C20orf203: variants seen among roughly 807,000 people sequenced by gnomAD.
The protein encoded by C20orf203 is chromosome 20 open reading frame 203.
Under a neutral mutation model 15.9 loss-of-function variants are expected in C20orf203, and 16 were observed. The ratio of observed to expected loss-of-function variants is 1.01; its 90% CI spans 0.68 to 1.53. The LOEUF (loss-of-function observed/expected upper bound fraction) is 1.53. Ranked by LOEUF, C20orf203 falls within the 40% of genes most tolerant of loss-of-function variation. The pLI, the probability that C20orf203 is intolerant of heterozygous loss-of-function variation, is 0.00. For synonymous variants in C20orf203, 98 were observed against 97.2 expected, an observed-to-expected ratio of 1.01 and a Z score of -0.05; for missense variants, 263 against 247.5, an observed-to-expected ratio of 1.06 and a Z score of -0.42.
At chr20:32,654,170 C>T (rs1053778254) in intron 1 of C20orf203, among the ~76,000 whole-genome samples, 2 of 151,560 alleles carry the variant, frequency 1.3e-5, no homozygotes, top group African/African-American at 4.9e-5. Flanking sequence ...GATACAAGAT[C>T]AATATACAAA....
At chr20:32,634,670 G>T (rs531779485) in intron 5 of C20orf203, among the ~76,000 whole-genome samples, 1 of 152,134 alleles carries the variant, frequency 6.6e-6, no homozygotes, top group Admixed American at 6.6e-5. Context: ...GGCCACCACC[G>T]GCTGGAGTCA....
chr20:32,666,657 G>T (rs575960876), intron 1 of C20orf203, among the ~76,000 whole-genome samples: 29 of 149,948 alleles, frequency 1.9e-4, no homozygotes, highest in Admixed American at 1.7e-3. Flanking sequence ...CAGCTACTCA[G>T]GAGGCTGAGG....
rs1982556711 is a variant in C20orf203, at chr20:32,649,907, C to T, written c.*525G>A. The T allele has an allele frequency of 6.5e-6, 1 of 153,878 alleles. No homozygotes were observed. The highest frequency in any genetic ancestry group is 6.4e-5 in the Admixed American group (1 of 15,588). 9.5% of individuals were successfully genotyped at this position (153,878 alleles called of 1,614,324 possible). ...CCCGCCCCGCTCCCTTGGCCCACAG[C>T]TTGGACTGGGCCTCTAGGATCTGGC... On this transcript the variant is annotated 3_prime_UTR_variant, in exon 4 of 6. Transcript: ENST00000608990.
chr20:32,658,942 C>A (rs1982826459), intron 1 of C20orf203, among the ~76,000 whole-genome samples: 1 of 151,878 alleles, frequency 6.6e-6, no homozygotes, highest in African/African-American at 2.4e-5. Context: ...ATGGCGTGAT[C>A]TCGGCTCACC....
At chr20:32,671,838 TCC>T (rs1983174102) in intron 1 of C20orf203, among the ~76,000 whole-genome samples, 1 of 47,248 alleles carries the variant, frequency 2.1e-5, no homozygotes. Flanking sequence ...AAACTCTGTC[TCC>T]AAAAAAAAAA....
At chr20:32,643,657 A>G (rs1982346370) in intron 4 of C20orf203, among the ~76,000 whole-genome samples, 1 of 111,330 alleles carries the variant, frequency 9.0e-6, no homozygotes. Context: ...ACACACACAC[A>G]CACACACACA....
chr20:32,655,057 T>C (rs765542369), intron 1 of C20orf203, among the ~76,000 whole-genome samples: 6 of 152,172 alleles, frequency 3.9e-5, no homozygotes, highest in Non-Finnish European at 7.3e-5. Context: ...ATGGTGGAGT[T>C]CAATGGGGAA....
chr20:32,641,199 T>G (rs1982271449), intron 4 of C20orf203, among the ~76,000 whole-genome samples: 1 of 151,576 alleles, frequency 6.6e-6, no homozygotes, highest in Admixed American at 6.6e-5. Flanking sequence ...GTGGTGCATG[T>G]GTGGAGTAGC....
intron 4 of C20orf203, among the ~76,000 whole-genome samples, chr20:32,645,851 T>C (rs957233223): frequency 2.0e-5 from 3 of 152,198 alleles, no homozygotes; most frequent in Non-Finnish European, 4.4e-5. Flanking sequence ...GTTGGGGACC[T>C]TTTTCCCAGT....
intron 1 of C20orf203, among the ~76,000 whole-genome samples, chr20:32,672,985 G>A (rs957528318): frequency 6.6e-6 from 1 of 152,162 alleles, no homozygotes; most frequent in African/African-American, 2.4e-5. Context: ...AGGCCTCAGG[G>A]AGTGAAGAAT....
intron 1 of C20orf203, among the ~76,000 whole-genome samples, chr20:32,658,203 C>T (rs917929322): frequency 6.6e-6 from 1 of 152,016 alleles, no homozygotes; most frequent in African/African-American, 2.4e-5. Context: ...TGGCACCTGG[C>T]ATTCTGATTT....
Position 32,634,239 on chromosome 20 carries a change from G to T in C20orf203, c.*1331C>A. The T allele has an allele frequency of 2.5e-6, 1 of 398,618 alleles. No homozygotes were observed. The highest frequency in any genetic ancestry group is 4.4e-6 in the Non-Finnish European group (1 of 226,092). 24.7% of individuals were successfully genotyped at this position (398,618 alleles called of 1,614,324 possible). On this transcript the variant is annotated 3_prime_UTR_variant, in exon 6 of 6. Transcript: ENST00000608990. ...GGAGGTTCCTAGCCTGGGGGCTCTG[G>T]AAAAGCTTCCTGGAGAAGGTTATGC...
intron 1 of C20orf203, among the ~76,000 whole-genome samples, chr20:32,655,712 G>A (rs1429310152): frequency 6.6e-6 from 1 of 152,214 alleles, no homozygotes; most frequent in African/African-American, 2.4e-5. Flanking sequence ...AGAATCACTT[G>A]AACCCAGGAG....
At chr20:32,660,047 C>T (rs1001365567) in intron 1 of C20orf203, among the ~76,000 whole-genome samples, 1 of 152,104 alleles carries the variant, frequency 6.6e-6, no homozygotes, top group African/African-American at 2.4e-5. Flanking sequence ...ATCTATAAGT[C>T]TTCATTCTGA....
At chr20:32,661,914 C>T (rs534158782) in intron 1 of C20orf203, among the ~76,000 whole-genome samples, 22 of 152,320 alleles carry the variant, frequency 1.4e-4, no homozygotes, top group Non-Finnish European at 2.8e-4. Context: ...CTCACTCCAT[C>T]CTAGCCCCCG....
intron 1 of C20orf203, among the ~76,000 whole-genome samples, chr20:32,661,293 C>T (rs116439911): frequency 0.022 from 3,285 of 152,266 alleles, 129 homozygotes; most frequent in African/African-American, 0.074. Context: ...TCTCTGTTCT[C>T]ACAAAGCTCA....
chr20:32,648,639 AG>A (rs1982512043), intron 4 of C20orf203, among the ~76,000 whole-genome samples: 2 of 145,606 alleles, frequency 1.4e-5, no homozygotes, highest in South Asian at 4.4e-4. Flanking sequence ...TTTTTAGTAG[AG>A]ACAGGGTTTC....
intron 4 of C20orf203, among the ~76,000 whole-genome samples, chr20:32,643,654 CACACA>C (rs1982346238): frequency 1.9e-5 from 2 of 107,216 alleles, no homozygotes; most frequent in South Asian, 5.5e-4. Context: ...CACACACACA[CACACA>C]CACACACACA....
At chr20:32,653,050 C>T (rs1418869745) in intron 1 of C20orf203, among the ~76,000 whole-genome samples, 2 of 152,186 alleles carry the variant, frequency 1.3e-5, no homozygotes, top group Non-Finnish European at 2.9e-5. Flanking sequence ...CTCTCAGCCT[C>T]CCCAGGGCAC....
Sources: allele counts gnomAD v4.1 joint callset (sites outside exome capture counted in the v4.1 genomes callset), GRCh38; gene constraint gnomAD v4.1.1; transcripts MANE v1.5; gene names NCBI Gene and HGNC (gene_info 2026-07-23, HGNC 2026-07-21).